The following AGTPBP1 variants were observed in gnomAD, a reference collection of about 807,000 sequenced individuals.
AGTPBP1 encodes the protein ATP/GTP binding carboxypeptidase 1.
Under a neutral mutation model 143.9 loss-of-function variants are expected in AGTPBP1, and 70 were observed. The ratio of observed to expected loss-of-function variants is 0.49; its 90% confidence interval spans 0.40 to 0.59. The LOEUF is 0.59. Ranked by LOEUF, AGTPBP1 falls within the 20% of genes least tolerant of loss-of-function variation. AGTPBP1 has a pLI of 0.00. For missense variants in AGTPBP1, 1,229 were observed against 1,464.5 expected (o/e 0.84, Z 2.62); for synonymous variants, 463 against 500.2 (o/e 0.93, Z 0.99).
upstream of AGTPBP1, among the ~76,000 whole-genome samples, chr9:85,744,010 T>G (rs1238120362): frequency 1.3e-5 from 2 of 151,392 alleles, no homozygotes; most frequent in Non-Finnish European, 2.9e-5. Flanking sequence ...ACTGCAGCCT[T>G]GACCTCCCAG....
At chr9:85,555,616 T>C (rs1411153857) in intron 25 of AGTPBP1, among the ~76,000 whole-genome samples, 4 of 152,046 alleles carry the variant, frequency 2.6e-5, no homozygotes, top group Admixed American at 1.3e-4. Flanking sequence ...AAAAAGATAG[T>C]TGATTTCTCA....
At chr9:85,706,582 G>C (rs1018195098) in intron 2 of AGTPBP1, among the ~76,000 whole-genome samples, 1 of 148,382 alleles carries the variant, frequency 6.7e-6, no homozygotes, top group Non-Finnish European at 1.5e-5. Context: ...AAATATAGAA[G>C]ATCTAGGGCC....
chr9:85,647,326 A>G (rs1438922477), intron 11 of AGTPBP1, among the ~76,000 whole-genome samples: 1 of 152,308 alleles, frequency 6.6e-6, no homozygotes, highest in African/African-American at 2.4e-5. Flanking sequence ...TTCAAAGTCA[A>G]TCTGGGTTGT....
chr9:85,757,885 AG>A, the AGTPBP1 span, among the ~76,000 whole-genome samples: 738 of 152,334 alleles, frequency 4.8e-3, 6 homozygotes, highest in African/African-American at 0.016. Flanking sequence ...GGCACAGCAA[AG>A]GTTGTGATAA....
intron 14 of AGTPBP1, among the ~76,000 whole-genome samples, chr9:85,623,438 T>TGCC (rs1402432476): frequency 6.6e-6 from 1 of 152,120 alleles, no homozygotes; most frequent in Non-Finnish European, 1.5e-5. Flanking sequence ...GGGGAATCTT[T>TGCC]GCCCTGCCCT....
chr9:85,726,237 AAAAAAC>A lies in AGTPBP1; in HGVS notation c.-33-13677_-33-13672del, dbSNP rs973293624. On this transcript the variant is annotated intron_variant, in intron 1 of 25. Coordinates refer to ENST00000357081, the MANE Select transcript of AGTPBP1 (RefSeq NM_001330701.2). ...AGAACAAGACTCTGTCTCAAAAAAA[AAAAAAC>A]AAAAAACAAAAAAAAAGAAAAATGT... 3.0e-4 allele frequency among the ~76,000 whole-genome samples: 45 copies of A among 151,394 alleles called. 1 individual carries two copies. In the East Asian group the frequency reaches 7.2e-3, roughly 24 times the overall value.
rs141682326 is a variant in AGTPBP1, at chr9:85,725,696, G to A, written c.-33-13130C>T. ...AGGCCAAGGTGGGAGAACTGCTTGA[G>A]CCCAAGAGTTCGAGACTAGCCTGCA... On this transcript the variant is annotated intron_variant, in intron 1 of 25. Coordinates refer to ENST00000357081, the MANE Select transcript of AGTPBP1 (RefSeq NM_001330701.2). 9.1e-3 allele frequency among the ~76,000 whole-genome samples: 1,387 copies of A among 152,082 alleles called. 12 individuals are homozygous for A. The highest frequency in any genetic ancestry group is 0.014 in the Middle Eastern group (4 of 294).
intron 2 of AGTPBP1, among the ~76,000 whole-genome samples, chr9:85,699,137 T>A (rs534217378): frequency 3.0e-4 from 45 of 152,290 alleles, no homozygotes; most frequent in Middle Eastern, 3.4e-3. Context: ...CATATTTTTT[T>A]AAATAATTTC....
chr9:85,704,975 G>A (rs926349391), intron 2 of AGTPBP1, among the ~76,000 whole-genome samples: 3 of 151,610 alleles, frequency 2.0e-5, no homozygotes, highest in Non-Finnish European at 4.4e-5. Flanking sequence ...TGAACTTGAG[G>A]ACACGCAATA....
At chr9:85,679,887 T>C (rs1835062840) in intron 4 of AGTPBP1, among the ~76,000 whole-genome samples, 1 of 152,202 alleles carries the variant, frequency 6.6e-6, no homozygotes, top group South Asian at 2.1e-4. Context: ...GTTGTAAGAT[T>C]ATTTTAAAAT....
the AGTPBP1 span, among the ~76,000 whole-genome samples, chr9:85,767,316 GGATTACA>G: frequency 2.0e-5 from 3 of 148,492 alleles, no homozygotes; most frequent in African/African-American, 7.5e-5. Flanking sequence ...TGAGTAGCTG[GGATTACA>G]GATGTGCACT....
At chr9:85,688,096 T>TAAAAAAAAA (rs58523894) in intron 3 of AGTPBP1, among the ~76,000 whole-genome samples, 35 of 34,546 alleles carry the variant, frequency 1.0e-3, no homozygotes, top group Non-Finnish European at 1.2e-3. Context: ...GTCTCAAAAT[T>TAAAAAAAAA]AAAAAAAAAA....
At chr9:85,584,002 A>G (rs936939771) in intron 23 of AGTPBP1, among the ~76,000 whole-genome samples, 3 of 151,646 alleles carry the variant, frequency 2.0e-5, no homozygotes. Flanking sequence ...GTATGATCCA[A>G]GCAGAAACGA....
intron 13 of AGTPBP1, among the ~76,000 whole-genome samples, chr9:85,639,202 T>TA (rs1413024198): frequency 6.6e-6 from 1 of 152,102 alleles, no homozygotes; most frequent in Non-Finnish European, 1.5e-5. Context: ...TTATCTTTTT[T>TA]AAAAAACCAA....
At chr9:85,642,436 C>T (rs1832539710) in intron 13 of AGTPBP1, among the ~76,000 whole-genome samples, 1 of 151,906 alleles carries the variant, frequency 6.6e-6, no homozygotes, top group African/African-American at 2.4e-5. Flanking sequence ...TCAAGCTATT[C>T]CCCTGCCTCA....
the AGTPBP1 span, among the ~76,000 whole-genome samples, chr9:85,791,078 T>C: frequency 6.6e-6 from 1 of 152,108 alleles, no homozygotes; most frequent in Non-Finnish European, 1.5e-5. Context: ...GTGGTAAATA[T>C]TGTTAGAAGT....
intron 2 of AGTPBP1, among the ~76,000 whole-genome samples, chr9:85,697,438 G>GTTTTTTTTTTTTT (rs1178612831): frequency 2.4e-5 from 2 of 83,850 alleles, no homozygotes; most frequent in African/African-American, 9.4e-5. Flanking sequence ...GTCTTAATTT[G>GTTTTTTTTTTTTT]TTTTTTGTTT....
chr9:85,629,677 C>T (rs997236986), intron 14 of AGTPBP1, among the ~76,000 whole-genome samples: 4 of 152,306 alleles, frequency 2.6e-5, no homozygotes, highest in Non-Finnish European at 5.9e-5. Context: ...AATACATCTA[C>T]GCTTAATTAA....
chr9:85,755,488 C>T, the AGTPBP1 span, among the ~76,000 whole-genome samples: 1 of 152,050 alleles, frequency 6.6e-6, no homozygotes, highest in East Asian at 1.9e-4. Context: ...AGCTACAATG[C>T]AAATTGGCTT....
Sources: gnomAD v4.1 joint callset for allele counts (sites outside exome capture counted in the v4.1 genomes callset) on GRCh38, gnomAD v4.1.1 for gene constraint, MANE v1.5 for transcripts, NCBI Gene and HGNC (gene_info 2026-07-23, HGNC 2026-07-21) for gene names.